VAV3: variants seen among roughly 807,000 people sequenced by gnomAD.
VAV3 encodes the protein guanine nucleotide exchange factor VAV3.
In VAV3, 94 loss-of-function variants were observed where a neutral mutation model predicts 131.2. The observed-to-expected ratio is 0.72, with a 90% CI of 0.61 to 0.85. The LOEUF (loss-of-function observed/expected upper bound fraction) is 0.85, where lower values mean the gene tolerates loss of function less well. Among genes scored for constraint, VAV3 ranks in the 40% least tolerant of loss-of-function variants. The pLI, the probability that VAV3 is intolerant of heterozygous loss-of-function variation, is 0.00. For synonymous variants in VAV3, 349 were observed against 342.0 expected, an observed-to-expected ratio of 1.02 and a Z score of -0.22; for missense variants, 939 against 1,002.7, an observed-to-expected ratio of 0.94 and a Z score of 0.86.
At chr1:107,658,706 T>C (rs1204642182) in intron 19 of VAV3, among the ~76,000 whole-genome samples, 1 of 152,230 alleles carries the variant, frequency 6.6e-6, no homozygotes, top group Admixed American at 6.5e-5. Context: ...CCAGTGATGA[T>C]GAGCATTTTT....
At chr1:107,616,790 A>C (rs891176948) in intron 21 of VAV3, among the ~76,000 whole-genome samples, 24 of 152,302 alleles carry the variant, frequency 1.6e-4, no homozygotes, top group African/African-American at 5.5e-4. Context: ...GTAACTACTG[A>C]AATATAGCAA....
intron 22 of VAV3, among the ~76,000 whole-genome samples, chr1:107,603,577 T>C (rs957846993): frequency 5.3e-5 from 8 of 152,204 alleles, no homozygotes; most frequent in Non-Finnish European, 1.0e-4. Flanking sequence ...CCTTTAAGTA[T>C]CTTTTTAAAG....
At chr1:107,657,982 T>C (rs1020088909) in intron 19 of VAV3, among the ~76,000 whole-genome samples, 4 of 152,242 alleles carry the variant, frequency 2.6e-5, no homozygotes, top group African/African-American at 9.6e-5. Flanking sequence ...AGTTTTTATT[T>C]TGGCATAGAA....
Position 107,885,358 on chromosome 1 carries a change from C to T in VAV3, c.205-10341G>A, listed in dbSNP as rs551441408. 2.1e-4 allele frequency among the ~76,000 whole-genome samples: 32 copies of T among 151,650 alleles called. No homozygotes were observed. In the South Asian group the frequency reaches 6.7e-3, roughly 32 times the overall value. On this transcript the variant is annotated intron_variant, in intron 1 of 26. Coordinates refer to ENST00000370056, the MANE Select transcript of VAV3 (RefSeq NM_006113.5). ...GACTAATGCTAATGTTACATCAATT[C>T]ACTAAATGAATTCTGTTATGCTGTA...
intron 2 of VAV3, among the ~76,000 whole-genome samples, chr1:107,817,385 C>T (rs533675675): frequency 7.2e-5 from 11 of 151,944 alleles, no homozygotes; most frequent in Non-Finnish European, 1.6e-4. Context: ...AACAGGGAAT[C>T]ATCAACCACA....
At chr1:107,634,553 T>C (rs550424245) in intron 20 of VAV3, among the ~76,000 whole-genome samples, 56 of 151,968 alleles carry the variant, frequency 3.7e-4, no homozygotes, top group African/African-American at 1.2e-3. Context: ...ATTCAGGACA[T>C]AGGTATGGGC....
At chr1:107,779,088 A>C (rs1665535132) in intron 3 of VAV3, among the ~76,000 whole-genome samples, 1 of 152,144 alleles carries the variant, frequency 6.6e-6, no homozygotes. Context: ...AACATATTAC[A>C]ACATCTTATA....
chr1:107,678,405 TATTA>T (rs1476310185), intron 19 of VAV3, among the ~76,000 whole-genome samples: 6 of 152,190 alleles, frequency 3.9e-5, no homozygotes, highest in Admixed American at 2.0e-4. Context: ...CTTTACTATT[TATTA>T]TAGACAAAAG....
intron 1 of VAV3, among the ~76,000 whole-genome samples, chr1:107,924,194 A>C (rs1466738046): frequency 1.3e-5 from 2 of 152,168 alleles, no homozygotes; most frequent in African/African-American, 4.8e-5. Flanking sequence ...AAGTGACAGA[A>C]ATTTGTCAAC....
At chr1:107,933,857 G>A (rs1283387636) in intron 1 of VAV3, among the ~76,000 whole-genome samples, 1 of 149,452 alleles carries the variant, frequency 6.7e-6, no homozygotes, top group Non-Finnish European at 1.5e-5. Flanking sequence ...CTTGAAAATT[G>A]CGATTTTAAA....
intron 15 of VAV3, among the ~76,000 whole-genome samples, chr1:107,747,498 C>T (rs960040604): frequency 2.0e-5 from 3 of 152,044 alleles, no homozygotes; most frequent in African/African-American, 4.8e-5. Context: ...AAATAGTATA[C>T]TAGAATATGT....
At chr1:107,638,777 C>T (rs754886377) in intron 20 of VAV3, among the ~76,000 whole-genome samples, 22 of 152,192 alleles carry the variant, frequency 1.4e-4, no homozygotes, top group African/African-American at 4.1e-4. Context: ...GACTTCAGGA[C>T]GTCTTATTAG....
chr1:107,659,460 A>G (rs935469444), intron 19 of VAV3, among the ~76,000 whole-genome samples: 2 of 152,188 alleles, frequency 1.3e-5, no homozygotes, highest in African/African-American at 2.4e-5. Context: ...AGCTCTTCAC[A>G]ATGTCCAAAA....
chr1:107,792,556 T>C (rs1238825571), intron 2 of VAV3, among the ~76,000 whole-genome samples: 1 of 152,240 alleles, frequency 6.6e-6, no homozygotes, highest in Admixed American at 6.5e-5. Context: ...GAAGGCCCAT[T>C]ACATAATAGT....
intron 15 of VAV3, among the ~76,000 whole-genome samples, chr1:107,727,380 C>G (rs1661913310): frequency 1.3e-5 from 2 of 152,206 alleles, no homozygotes. Flanking sequence ...TTGAAGCCTT[C>G]ATTACTTTTC....
At chr1:107,956,228 T>G (rs1410807541) in intron 1 of VAV3, among the ~76,000 whole-genome samples, 1 of 152,168 alleles carries the variant, frequency 6.6e-6, no homozygotes, top group Non-Finnish European at 1.5e-5. Context: ...GAAGTAAGAT[T>G]ACGAGTTGAG....
chr1:107,611,297 T>C (rs1437510804), intron 21 of VAV3, among the ~76,000 whole-genome samples: 3 of 152,166 alleles, frequency 2.0e-5, no homozygotes, highest in African/African-American at 7.2e-5. Context: ...TTTCTTTGAT[T>C]ATTAATATTC....
At chr1:107,962,335 A>G (rs934315149) in intron 1 of VAV3, among the ~76,000 whole-genome samples, 3 of 151,836 alleles carry the variant, frequency 2.0e-5, no homozygotes, top group African/African-American at 7.3e-5. Context: ...GTTAGCGGCA[A>G]AATGTCTAGG....
intron 3 of VAV3, chr1:107,777,682 C>T (rs17235983): frequency 0.026 from 5,025 of 195,498 alleles, 88 homozygotes; most frequent in Middle Eastern, 0.058. Context: ...TTGCCTTCAG[C>T]ACCCTCTCTT....
Sources: allele counts gnomAD v4.1 joint callset (sites outside exome capture counted in the v4.1 genomes callset), GRCh38; gene constraint gnomAD v4.1.1; transcripts MANE v1.5; gene names NCBI Gene and HGNC (gene_info 2026-07-23, HGNC 2026-07-21).